MON1A: variants seen among roughly 807,000 people sequenced by gnomAD.
MON1A encodes the protein vacuolar fusion protein MON1 homolog A.
Under a neutral mutation model 44.6 loss-of-function variants are expected in MON1A, and 29 were observed. The observed-to-expected ratio is 0.65, with a 90% CI of 0.48 to 0.89. MON1A has a LOEUF of 0.89. MON1A is among the 40% of genes least tolerant of loss of function. The pLI is 0.00. For missense variants in MON1A, 615 were observed against 759.6 expected (o/e 0.81, Z 2.24); for synonymous variants, 275 against 316.4 (o/e 0.87, Z 1.39).
In MON1A at chr3:49,909,030, G is replaced by A. The variant is rs554514964; in HGVS notation, c.1652C>T (p.Thr551Met). 3.1e-5 allele frequency: 50 copies of A among 1,613,336 alleles called. No homozygotes were observed. The highest frequency in any genetic ancestry group is 3.8e-5 in the Non-Finnish European group (45 of 1,179,620). Residue 551 changes from threonine to methionine, a missense_variant, in exon 6 of 6, where the codon ACG (threonine) becomes ATG (methionine). Transcript: ENST00000296473. This position sits in a 1 kb window ranked among gnomAD's most constrained non-coding sequence, Gnocchi z 4.0. Reference protein sequence around the residue: ...RKEEDRLFILTPLTY With the variant: ...RKEEDRLFILMPLTY ...ACATTCCCATCAATAGGTGAGGGGCGTGAGAATGAAGAGGCGGTCTTCCTC... is the reference window on the plus strand; with the variant it reads ...ACATTCCCATCAATAGGTGAGGGGCATGAGAATGAAGAGGCGGTCTTCCTC...
rs746180875 is a variant in MON1A, at chr3:49,913,332, C to T, written c.15G>A (p.Met5Ile). 3 of 1,612,872 alleles carry T rather than the reference C, an allele frequency of 1.9e-6. No individual in the cohort carries two copies. Among genetic ancestry groups the T allele is most frequent in the Admixed American group, 1.7e-5 (1 of 60,010 alleles). Residue 5 changes from methionine (M) to isoleucine (I), a missense_variant, in exon 2 of 6, where the codon ATG (methionine) becomes ATA (isoleucine). Transcript: ENST00000296473. MATD[M>I]QRKRSSECLD... is the part of the protein sequence containing the mutation. ...GGCATTCGCTGCTTCTCTTCCTCTG[C>T]ATGTCAGTAGCCATCCTTTGAGCTC...
Position 49,910,645 on chromosome 3 carries a change from C to CT in MON1A, c.852dup (p.Asp285ArgfsTer69), listed in dbSNP as rs2082866687. On this transcript the variant is annotated frameshift_variant, in exon 4 of 6. Transcript: ENST00000296473. LOFTEE classifies it high-confidence loss of function. This position sits in a 1 kb window ranked among gnomAD's most constrained non-coding sequence, Gnocchi z 8.0. ...GCCGCCCCCATCAGGAAGCTGGGGT[C>CT]TCGTGCCATGAGCTGCAGCAGGTTG... is the stretch of plus-strand genomic sequence containing the variant. 6.2e-7 allele frequency: 1 copy of CT among 1,604,494 alleles called. No individual in the cohort carries two copies. The highest frequency in any genetic ancestry group is 8.5e-7 in the Non-Finnish European group (1 of 1,174,320).
chr3:49,910,075 T>G lies in MON1A; in HGVS notation c.1379+44A>C. ...GACCAAACAGCCTCCCGACTCCACATGTCCCTGTCCCGCTACAGCAGTGCC... is the reference window on the plus strand; with the variant it reads ...GACCAAACAGCCTCCCGACTCCACAGGTCCCTGTCCCGCTACAGCAGTGCC... On this transcript the variant is annotated intron_variant, in intron 4 of 5. Coordinates refer to ENST00000296473, the MANE Select transcript of MON1A (RefSeq NM_032355.4). The surrounding 1 kb of genome is among the most constrained non-coding windows in gnomAD (Gnocchi z 8.0). 1.3e-6 allele frequency: 2 copies of G among 1,528,886 alleles called. No homozygotes were observed. The highest frequency in any genetic ancestry group is 1.8e-6 in the Non-Finnish European group (2 of 1,138,440). 94.7% of individuals were successfully genotyped at this position (1,528,886 alleles called of 1,614,324 possible).
intron 1 of MON1A, among the ~76,000 whole-genome samples, chr3:49,926,584 G>A (rs1345095869): frequency 6.6e-6 from 1 of 152,030 alleles, no homozygotes; most frequent in Non-Finnish European, 1.5e-5. Context: ...AGCCTCCTGA[G>A]TACCTGAGAC....
intron 1 of MON1A, among the ~76,000 whole-genome samples, chr3:49,920,932 C>G (rs554601975): frequency 6.6e-6 from 1 of 151,748 alleles, no homozygotes; most frequent in Non-Finnish European, 1.5e-5. Context: ...CCAAAGCAAG[C>G]AGATTACTTG....
At chr3:49,919,624 C>A (rs772943443) in intron 1 of MON1A, among the ~76,000 whole-genome samples, 2 of 152,144 alleles carry the variant, frequency 1.3e-5, no homozygotes, top group East Asian at 3.9e-4. Context: ...GGATTACAGA[C>A]GCCCACCACC....
At chr3:49,917,722 C>A (rs1215982072) in intron 1 of MON1A, among the ~76,000 whole-genome samples, 2 of 152,146 alleles carry the variant, frequency 1.3e-5, no homozygotes, top group Non-Finnish European at 1.5e-5. Context: ...ACCTTGCCTT[C>A]CATTTCACCG....
chr3:49,908,960 T>A lies in MON1A; in HGVS notation c.*54A>T, dbSNP rs2082841630. 1.9e-6 allele frequency: 3 copies of A among 1,555,810 alleles called. No homozygotes were observed. The highest frequency in any genetic ancestry group is 2.6e-6 in the Non-Finnish European group (3 of 1,148,014). On this transcript the variant is annotated 3_prime_UTR_variant, in exon 6 of 6. Coordinates refer to ENST00000296473, the MANE Select transcript of MON1A (RefSeq NM_032355.4). The stretch of plus-strand genomic sequence containing the variant: ...AGGCCAGCCCCCATCTGGAGGCTCC[T>A]ATGGCTTCCCACACCTAGTGTGTCC...
chr3:49,926,377 T>TG (rs1343606985), intron 1 of MON1A, among the ~76,000 whole-genome samples: 1 of 152,192 alleles, frequency 6.6e-6, no homozygotes, highest in Non-Finnish European at 1.5e-5. Flanking sequence ...TTACCCCTCT[T>TG]GCCCTGCTTT....
intron 1 of MON1A, among the ~76,000 whole-genome samples, chr3:49,922,408 C>T (rs1272130045): frequency 6.6e-6 from 1 of 151,918 alleles, no homozygotes; most frequent in African/African-American, 2.4e-5. Flanking sequence ...CGCACTCCAG[C>T]TTGAACCCAG....
chr3:49,927,376 T>C (rs1249094089), intron 1 of MON1A, among the ~76,000 whole-genome samples: 1 of 152,234 alleles, frequency 6.6e-6, no homozygotes, highest in East Asian at 1.9e-4. Flanking sequence ...TTTGATTACA[T>C]ACTCAGTTGC....
chr3:49,915,163 T>C (rs2082932907), intron 1 of MON1A, among the ~76,000 whole-genome samples: 6 of 152,220 alleles, frequency 3.9e-5, no homozygotes. Flanking sequence ...AAAGAACTGA[T>C]ACTGAGAGAG....
chr3:49,911,798 G>A lies in MON1A; in HGVS notation c.341C>T (p.Pro114Leu), dbSNP rs1458708647. ...TTCCAGCCAATCCTCAGAGCTTCCT[G>A]GCAGCATCTCCTCCTGCAGGTCCCG... ...VARDLQEEML[P>L]GSSEDWLEPP... Residue 114 changes from proline to leucine, a missense_variant, in exon 3 of 6, where the codon CCA becomes CTA. Transcript: ENST00000296473. The surrounding 1 kb of genome is among the most constrained non-coding windows in gnomAD (Gnocchi z 5.7). The A allele has an allele frequency of 6.2e-7, 1 of 1,613,716 alleles. No individual in the cohort carries two copies. The highest frequency in any genetic ancestry group is 1.3e-5 in the African/African-American group (1 of 74,926).
chr3:49,913,272 A>T lies in MON1A; in HGVS notation c.75T>A (p.Ser25Arg). 1.2e-6 allele frequency: 2 copies of T among 1,613,952 alleles called. No homozygotes were observed. Among genetic ancestry groups the T allele is most frequent in the South Asian group, 1.1e-5 (1 of 91,080 alleles). The change falls in exon 2 of 6, where the codon AGT becomes AGA. Residue 25 changes from serine (S) to arginine (R), a missense_variant. By Grantham distance (110) the Ser-to-Arg change is moderately radical. Coordinates refer to ENST00000296473, the MANE Select transcript of MON1A (RefSeq NM_032355.4). ...DGTLTPSDGQ[S>R]MERAESPTPG... ...GTGTGGGGCTCTCAGCTCTCTCCAT[A>T]CTCTGTCCATCAGAAGGAGTCAATG...
At position 49,909,332 on chromosome 3, in the gene MON1A, AAGT is replaced by A; in HGVS notation, c.1445_1447del (p.Tyr482del). 6.2e-7 allele frequency: 1 copy of A among 1,614,038 alleles called. No individual in the cohort carries two copies. Among genetic ancestry groups the A allele is most frequent in the Non-Finnish European group, 8.5e-7 (1 of 1,179,998 alleles). On this transcript the variant is annotated inframe_deletion, in exon 5 of 6. Transcript: ENST00000296473. This position sits in a 1 kb window ranked among gnomAD's most constrained non-coding sequence, Gnocchi z 4.0. ...AGAGGCATTGTGGGCACGACTGTGCAAGTACTGGTAGAGGCCCAGCAGCCGCTC... is the reference window on the plus strand; with the variant it reads ...AGAGGCATTGTGGGCACGACTGTGCAACTGGTAGAGGCCCAGCAGCCGCTC...
At position 49,910,963 on chromosome 3, in the gene MON1A, G is replaced by A. The variant is rs911660127; in HGVS notation, c.614-79C>T. On this transcript the variant is annotated intron_variant, in intron 3 of 5. Coordinates refer to ENST00000296473, the MANE Select transcript of MON1A (RefSeq NM_032355.4). The surrounding 1 kb of genome is among the most constrained non-coding windows in gnomAD (Gnocchi z 8.0). Reference sequence around the variant, plus strand: ...AAACCGCCTTCCAGCGCAGCTCTTCGCTTTCCCCATCCTTTCCTCGCTCAG... The same window carrying A: ...AAACCGCCTTCCAGCGCAGCTCTTCACTTTCCCCATCCTTTCCTCGCTCAG... The A allele has an allele frequency of 5.1e-6, 7 of 1,378,844 alleles. No individual in the cohort carries two copies. Among genetic ancestry groups the A allele is most frequent in the East Asian group, 2.3e-5 (1 of 42,810 alleles). 85.4% of individuals were successfully genotyped at this position (1,378,844 alleles called of 1,614,324 possible).
At chr3:49,928,385 T>C (rs529879936) in intron 1 of MON1A, among the ~76,000 whole-genome samples, 246 of 152,288 alleles carry the variant, frequency 1.6e-3, no homozygotes, top group Non-Finnish European at 2.7e-3. Context: ...TTGAAGAAGT[T>C]AGGCAAAGGA....
At chr3:49,912,985 A>G (rs1162491839) in intron 2 of MON1A, 1 of 656,680 alleles carries the variant, frequency 1.5e-6, no homozygotes, top group Admixed American at 2.1e-5. Flanking sequence ...AGGGAACAGA[A>G]GAGCCCACAA....
In MON1A at chr3:49,913,191, G is replaced by T. The variant is rs183856821; in HGVS notation, c.127+29C>A. 3.6e-5 allele frequency: 58 copies of T among 1,614,178 alleles called. 1 individual carries two copies. The African/African-American group carries it at 6.8e-4, about 19-fold the overall frequency. ...CCCCTGGAGACTGCTCTGGTTGGCA[G>T]CTGGCTGAGGCTGTACACTTGCCCA... is the stretch of plus-strand genomic sequence containing the variant. On this transcript the variant is annotated intron_variant, in intron 2 of 5. Transcript: ENST00000296473.
Sources: gnomAD v4.1 joint callset for allele counts (sites outside exome capture counted in the v4.1 genomes callset) on GRCh38, gnomAD v4.1.1 for gene constraint, Gnocchi (gnomAD v3.1) non-coding constraint, MANE v1.5 for transcripts, NCBI Gene and HGNC (gene_info 2026-07-23, HGNC 2026-07-21) for gene names.